Variants in REV3L observed in about 807,000 individuals in gnomAD.
The protein encoded by REV3L is REV3 like, DNA directed polymerase zeta catalytic subunit.
In REV3L, 69 loss-of-function variants were observed where a neutral mutation model predicts 299.4. That is an observed-to-expected ratio of 0.23 (90% CI 0.19 to 0.28). REV3L has a LOEUF of 0.28. REV3L is among the 10% of genes least tolerant of loss of function. The pLI, the probability that REV3L is intolerant of heterozygous loss-of-function variation, is 1.00. For synonymous variants in REV3L, 1,238 were observed against 1,271.4 expected (o/e 0.97, Z 0.56); for missense variants, 3,128 against 3,693.8 (o/e 0.85, Z 3.97).
Position 111,299,883 on chromosome 6 carries a change from A to G in REV3L, c.*133T>C. 1 of 814,360 alleles carries G rather than the reference A, an allele frequency of 1.2e-6. No homozygotes were observed. The highest frequency in any genetic ancestry group is 1.9e-6 in the Non-Finnish European group (1 of 528,356). 50.4% of individuals were successfully genotyped at this position (814,360 alleles called of 1,614,324 possible). ...AAGTACATTTTAATTCGGTTAGCATAGAAGTCTTCATAGTCTTCAGATAAC... is the reference window on the plus strand; with the variant it reads ...AAGTACATTTTAATTCGGTTAGCATGGAAGTCTTCATAGTCTTCAGATAAC... On this transcript the variant is annotated 3_prime_UTR_variant, in exon 32 of 32. Coordinates refer to ENST00000368802, the MANE Select transcript of REV3L (RefSeq NM_001372078.1).
intron 1 of REV3L, among the ~76,000 whole-genome samples, chr6:111,427,181 AAAAT>A (rs1786276250): frequency 6.6e-6 from 1 of 152,230 alleles, no homozygotes; most frequent in East Asian, 1.9e-4. Flanking sequence ...GCAAATAAAT[AAAAT>A]ATTATTGGTA....
chr6:111,331,145 G>T, intron 24 of REV3L: 2 of 433,112 alleles, frequency 4.6e-6, no homozygotes, highest in Non-Finnish European at 6.2e-6. Context: ...TCTTTAATTT[G>T]TAAAGTTTTC....
At chr6:111,338,311 C>CTTTTTTTTTTTTTT (rs1776115188) in intron 21 of REV3L, among the ~76,000 whole-genome samples, 2 of 49,032 alleles carry the variant, frequency 4.1e-5, no homozygotes, top group African/African-American at 2.5e-4. Flanking sequence ...AGTCTAAAGT[C>CTTTTTTTTTTTTTT]CTTTTTTTTT....
chr6:111,470,192 A>T (rs375389958), intron 1 of REV3L, among the ~76,000 whole-genome samples: 4 of 38,422 alleles, frequency 1.0e-4, no homozygotes, highest in South Asian at 1.3e-3. Flanking sequence ...ACACACACAC[A>T]CACACACACA....
intron 1 of REV3L, among the ~76,000 whole-genome samples, chr6:111,474,590 C>A (rs1013737113): frequency 2.6e-5 from 4 of 152,168 alleles, no homozygotes; most frequent in Non-Finnish European, 5.9e-5. Flanking sequence ...GCTATTTGTT[C>A]ACAGGAACCC....
intron 11 of REV3L, 102 bp downstream of exon 11, chr6:111,379,879 TC>T: frequency 2.6e-6 from 2 of 762,898 alleles, no homozygotes. Context: ...TCAATTTAGT[TC>T]ATAAGGTATT....
Position 111,405,506 on chromosome 6 carries a change from G to T in REV3L, c.529C>A (p.Leu177Met). ...YNLYGMNLINLAAVKFRKARR... is the reference protein window; with the variant it reads ...YNLYGMNLINMAAVKFRKARR... ...GCTTTTCGGAACTTGACAGCAGCCAGATTTATTAAATTCATGCCATAAAGA... is the reference window on the plus strand; with the variant it reads ...GCTTTTCGGAACTTGACAGCAGCCATATTTATTAAATTCATGCCATAAAGA... Residue 177 changes from leucine to methionine, a missense_variant, in exon 4 of 32, where the codon CTG (leucine) becomes ATG (methionine). Transcript: ENST00000368802. The T allele has an allele frequency of 6.2e-7, 1 of 1,603,872 alleles. No homozygotes were observed. Among genetic ancestry groups the T allele is most frequent in the Non-Finnish European group, 8.5e-7 (1 of 1,176,254 alleles).
In REV3L at chr6:111,357,072, C is replaced by T; in HGVS notation, c.7126G>A (p.Val2376Ile). The T allele has an allele frequency of 6.2e-7, 1 of 1,601,746 alleles. No homozygotes were observed. Among genetic ancestry groups the T allele is most frequent in the Non-Finnish European group, 8.5e-7 (1 of 1,172,988 alleles). Residue 2376 changes from valine (V) to isoleucine (I), a missense_variant, in exon 18 of 32, where the codon GTC becomes ATC. Transcript: ENST00000368802. ...LIRSGITGLE[V>I]TYAADEKALF... Reference sequence around the variant, plus strand: ...GCCTTCTCATCAGCAGCATAGGTGACTTCGAGTCCTGTAATTCCAGATCTA... The same window carrying T: ...GCCTTCTCATCAGCAGCATAGGTGATTTCGAGTCCTGTAATTCCAGATCTA...
chr6:111,436,145 CA>C (rs1318861398), intron 1 of REV3L, among the ~76,000 whole-genome samples: 1 of 152,094 alleles, frequency 6.6e-6, no homozygotes, highest in South Asian at 2.1e-4. Context: ...ATCAAAAAGA[CA>C]ATGAATAATG....
At chr6:111,312,084 G>T (rs1229818796) in intron 28 of REV3L, 1 of 152,218 alleles carries the variant, frequency 6.6e-6, no homozygotes, top group Non-Finnish European at 1.5e-5. Flanking sequence ...GATTATAGGC[G>T]TGAGCCACCG....
intron 1 of REV3L, among the ~76,000 whole-genome samples, chr6:111,463,116 T>G (rs1434308288): frequency 3.3e-5 from 5 of 152,320 alleles, no homozygotes; most frequent in Non-Finnish European, 1.5e-5. Flanking sequence ...ACAGATTTGC[T>G]TAGTTGCAAG....
chr6:111,452,864 C>T (rs1421144305), intron 1 of REV3L, among the ~76,000 whole-genome samples: 1 of 152,078 alleles, frequency 6.6e-6, no homozygotes, highest in Non-Finnish European at 1.5e-5. Flanking sequence ...ACCTGTCACT[C>T]ACCAGAATTT....
intron 26 of REV3L, among the ~76,000 whole-genome samples, chr6:111,319,863 CTT>C (rs1773944246): frequency 6.6e-6 from 1 of 150,482 alleles, no homozygotes; most frequent in African/African-American, 2.4e-5. Context: ...GAGTTTTGCT[CTT>C]GTTGCCCAGG....
intron 10 of REV3L, among the ~76,000 whole-genome samples, chr6:111,380,659 G>A (rs1237495789): frequency 6.6e-6 from 1 of 152,248 alleles, no homozygotes; most frequent in African/African-American, 2.4e-5. Flanking sequence ...CAAAGGCTCA[G>A]GTGTTGAGGT....
chr6:111,381,332 A>G lies in REV3L; in HGVS notation c.1209T>C (p.Pro403=), dbSNP rs749596611. 1 of 1,613,532 alleles carries G rather than the reference A, an allele frequency of 6.2e-7. No individual in the cohort carries two copies. Among genetic ancestry groups the G allele is most frequent in the Non-Finnish European group, 8.5e-7 (1 of 1,179,822 alleles). ...GGTAGCACTGTTACTTACTGAAAAC[A>G]GGTGACTCACTCAGTCTTTGGGTCA... The part of the protein sequence containing the change: ...QPLTQRLSES[P]VFMDSSPDEA... The change falls in exon 10 of 32, where the codon CCT becomes CCC. Residue 403 remains proline, a synonymous_variant. Transcript: ENST00000368802.
At chr6:111,328,149 AT>A (rs1244387244) in intron 25 of REV3L, among the ~76,000 whole-genome samples, 1 of 152,226 alleles carries the variant, frequency 6.6e-6, no homozygotes, top group Admixed American at 6.5e-5. Flanking sequence ...AAGTCATTCT[AT>A]GAAAAATGTC....
At position 111,303,161 on chromosome 6, in the gene REV3L, C is replaced by CTTTTT. The variant is rs1192743753; in HGVS notation, c.9253-3006_9253-3005insAAAAA. Among the ~76,000 whole-genome samples, 186 of 55,490 alleles carry CTTTTT rather than the reference C, an allele frequency of 3.4e-3. 5 individuals are homozygous for CTTTTT. Among genetic ancestry groups the CTTTTT allele is most frequent in the African/African-American group, 5.3e-3 (87 of 16,324 alleles). 36.4% of individuals were successfully genotyped at this position (55,490 alleles called of 152,430 possible). A position where few individuals can be genotyped will look rare whatever the true frequency, so the allele number is the denominator to read the frequency against. On this transcript the variant is annotated intron_variant, in intron 31 of 31. Transcript: ENST00000368802. ...TTGAAATGTACTGAGGCTTTCTTTT[C>CTTTTT]TTTCTTTTTTTTTTTTTTTTTGAGA... is the stretch of plus-strand genomic sequence containing the variant.
intron 18 of REV3L, among the ~76,000 whole-genome samples, chr6:111,353,242 C>A (rs17539861): frequency 1.4e-3 from 211 of 152,310 alleles, no homozygotes; most frequent in African/African-American, 4.6e-3. Flanking sequence ...ATGACCAGAT[C>A]ACCAGATCTG....
chr6:111,411,553 G>A lies in REV3L; in HGVS notation c.331C>T (p.Pro111Ser), dbSNP rs764644654. ...VFKVSLVSGMPFYGYHEKERH... is the reference protein window; with the variant it reads ...VFKVSLVSGMSFYGYHEKERH... ...TCCTTCTCATGATAACCATAAAAAG[G>A]CCTGAAATATAAGAAAAAAAATTTC... Residue 111 changes from proline (P) to serine (S), a missense_variant and splice_region_variant, in exon 3 of 32, where the codon CCT becomes TCT. Pro to Ser is a moderately conservative substitution (Grantham distance 74). Coordinates refer to ENST00000368802, the MANE Select transcript of REV3L (RefSeq NM_001372078.1). 6.5e-7 allele frequency: 1 copy of A among 1,543,106 alleles called. No individual in the cohort carries two copies.
Sources: allele counts gnomAD v4.1 joint callset (sites outside exome capture counted in the v4.1 genomes callset), GRCh38; gene constraint gnomAD v4.1.1; transcripts MANE v1.5; gene names NCBI Gene and HGNC (gene_info 2026-07-23, HGNC 2026-07-21).